MACROD2: variants seen among roughly 807,000 people sequenced by gnomAD.
The protein encoded by MACROD2 is ADP-ribose glycohydrolase MACROD2.
Under a neutral mutation model 70.4 loss-of-function variants are expected in MACROD2, and 36 were observed. The observed-to-expected ratio is 0.51, with a 90% CI of 0.39 to 0.68. The LOEUF is 0.68. Among genes scored for constraint, MACROD2 ranks in the 30% least tolerant of loss-of-function variants. The probability of loss-of-function intolerance (pLI) is 0.00; values close to 1 mark genes in which losing one functional copy is unlikely to be tolerated. For synonymous variants in MACROD2, 172 were observed against 178.8 expected (o/e 0.96, Z 0.30); for missense variants, 496 against 538.4 (o/e 0.92, Z 0.78).
At chr20:15,661,839 A>T (rs2049825962) in intron 8 of MACROD2, among the ~76,000 whole-genome samples, 1 of 152,212 alleles carries the variant, frequency 6.6e-6, no homozygotes. Context: ...GCAATGTTGT[A>T]AAGATGAGGT....
In MACROD2 at chr20:14,303,253, A is replaced by G. The variant is rs531070684; in HGVS notation, c.272-190226A>G. ...ACCAGCCATTTCTTATAGGAAATGC[A>G]CAAGGCCTCAGGCAGCAAGCAACAG... On this transcript the variant is annotated intron_variant, in intron 3 of 17. Coordinates refer to ENST00000684519, the MANE Select transcript of MACROD2 (RefSeq NM_001351661.2). Among the ~76,000 whole-genome samples, 20 of 152,286 alleles carry G rather than the reference A, an allele frequency of 1.3e-4. No homozygotes were observed. In the East Asian group the frequency reaches 3.7e-3, roughly 28 times the overall value.
intron 8 of MACROD2, among the ~76,000 whole-genome samples, chr20:15,727,537 T>G (rs1320515513): frequency 6.6e-6 from 1 of 152,022 alleles, no homozygotes; most frequent in Non-Finnish European, 1.5e-5. Flanking sequence ...GAAGTGTGGT[T>G]GTTTTAACAA....
At chr20:15,599,107 G>A (rs1202214130) in intron 8 of MACROD2, among the ~76,000 whole-genome samples, 3 of 152,198 alleles carry the variant, frequency 2.0e-5, no homozygotes, top group East Asian at 1.9e-4. Flanking sequence ...GAGGCCGGCC[G>A]TGGTGGCTCA....
At chr20:15,903,330 A>G (rs2065094407) in intron 10 of MACROD2, among the ~76,000 whole-genome samples, 1 of 151,430 alleles carries the variant, frequency 6.6e-6, no homozygotes, top group Non-Finnish European at 1.5e-5. Context: ...AAAAAGAAAC[A>G]ACAACAGCGG....
intron 5 of MACROD2, among the ~76,000 whole-genome samples, chr20:15,142,292 G>A (rs73256854): frequency 0.036 from 5,457 of 152,178 alleles, 330 homozygotes; most frequent in African/African-American, 0.12. Flanking sequence ...TCCTTGTTGA[G>A]GATCAAAGGT....
At chr20:14,543,089 C>T (rs2085452733) in intron 4 of MACROD2, among the ~76,000 whole-genome samples, 1 of 152,110 alleles carries the variant, frequency 6.6e-6, no homozygotes, top group East Asian at 1.9e-4. Flanking sequence ...TTTTCTTCCT[C>T]TGTCCTATAC....
At chr20:14,123,355 C>G (rs1390423367) in intron 3 of MACROD2, among the ~76,000 whole-genome samples, 1 of 152,160 alleles carries the variant, frequency 6.6e-6, no homozygotes, top group Non-Finnish European at 1.5e-5. Context: ...TATTTCTCAG[C>G]TGCTATGTGG....
intron 5 of MACROD2, among the ~76,000 whole-genome samples, chr20:14,845,791 G>A (rs990176609): frequency 2.0e-5 from 3 of 152,022 alleles, no homozygotes; most frequent in Middle Eastern, 3.2e-3. Context: ...AGGAGGTACA[G>A]AGGTTGGCTA....
At chr20:14,222,783 T>C (rs1447172313) in intron 3 of MACROD2, among the ~76,000 whole-genome samples, 2 of 145,470 alleles carry the variant, frequency 1.4e-5, no homozygotes, top group African/African-American at 5.1e-5. Flanking sequence ...TTTTTGACTC[T>C]ACAGTTCACA....
rs370920426 is a variant in MACROD2, at chr20:14,673,810, C to T, written c.302-11033C>T. Among the ~76,000 whole-genome samples the T allele has an allele frequency of 9.9e-5, 15 of 151,260 alleles. No individual in the cohort carries two copies. In the East Asian group the frequency reaches 2.3e-3, roughly 24 times the overall value. On this transcript the variant is annotated intron_variant, in intron 4 of 17. Coordinates refer to ENST00000684519, the MANE Select transcript of MACROD2 (RefSeq NM_001351661.2). ...TGGTGGGCGCCTGTAATCTCAGCTA[C>T]TCGGGAGGCTGAGGCAGGAGAATTG...
At chr20:14,799,454 G>A (rs947664854) in intron 5 of MACROD2, among the ~76,000 whole-genome samples, 1 of 152,032 alleles carries the variant, frequency 6.6e-6, no homozygotes, top group African/African-American at 2.4e-5. Flanking sequence ...TGTTTCAAAG[G>A]TTTTTATACT....
chr20:14,423,109 G>T (rs1230177244), intron 3 of MACROD2, among the ~76,000 whole-genome samples: 5 of 152,170 alleles, frequency 3.3e-5, no homozygotes, highest in Non-Finnish European at 5.9e-5. Flanking sequence ...AATAAAGTCT[G>T]TTCTGCTGTG....
chr20:14,082,177 C>CTTTTTTTTTTTTTTTTTTT (rs66918191), intron 2 of MACROD2, among the ~76,000 whole-genome samples: 17 of 93,174 alleles, frequency 1.8e-4, no homozygotes, highest in African/African-American at 4.4e-4. Context: ...CTTTTTTTTT[C>CTTTTTTTTTTTTTTTTTTT]TTTTTTTTTT....
chr20:15,199,270 C>T (rs540491456), intron 5 of MACROD2, among the ~76,000 whole-genome samples: 23 of 152,056 alleles, frequency 1.5e-4, no homozygotes, highest in Admixed American at 2.6e-4. Flanking sequence ...GTGGGAGGAT[C>T]ACTCTGAGCC....
At chr20:14,076,533 G>A (rs1285797601) in intron 2 of MACROD2, among the ~76,000 whole-genome samples, 1 of 151,790 alleles carries the variant, frequency 6.6e-6, no homozygotes, top group Non-Finnish European at 1.5e-5. Flanking sequence ...ACAAAAATTA[G>A]CCTGGCTTGG....
rs563244225 is a variant in MACROD2 at position 14,322,769 on chromosome 20, C to T, written c.272-170710C>T. On this transcript the variant is annotated intron_variant, in intron 3 of 17. Coordinates refer to ENST00000684519, the MANE Select transcript of MACROD2 (RefSeq NM_001351661.2). ...GGAACAGATGGCAAACATTTGTTGA[C>T]CATAATAATAGTAGTAACTTGTATT... Among the ~76,000 whole-genome samples the T allele has an allele frequency of 2.0e-5, 3 of 152,062 alleles. 1 individual carries two copies. The South Asian group carries it at 6.2e-4, about 32-fold the overall frequency.
intron 5 of MACROD2, among the ~76,000 whole-genome samples, chr20:14,982,233 G>T (rs922218476): frequency 6.6e-6 from 1 of 152,136 alleles, no homozygotes; most frequent in Non-Finnish European, 1.5e-5. Context: ...TTCAAGAGGT[G>T]ACTTGGGTAC....
intron 4 of MACROD2, among the ~76,000 whole-genome samples, chr20:14,625,014 G>T (rs774222903): frequency 2.6e-5 from 4 of 152,098 alleles, no homozygotes; most frequent in Non-Finnish European, 4.4e-5. Context: ...GGCTTGGCCG[G>T]CTGGTGAGGG....
intron 5 of MACROD2, among the ~76,000 whole-genome samples, chr20:14,779,526 A>T (rs1218622868): frequency 6.6e-6 from 1 of 152,160 alleles, no homozygotes; most frequent in African/African-American, 2.4e-5. Context: ...TCAGCAGGTC[A>T]TAATGACTCT....
Sources: allele counts gnomAD v4.1 joint callset (sites outside exome capture counted in the v4.1 genomes callset), GRCh38; gene constraint gnomAD v4.1.1; transcripts MANE v1.5; gene names NCBI Gene and HGNC (gene_info 2026-07-23, HGNC 2026-07-21).